The following ERC1 variants were observed in gnomAD, a reference collection of about 807,000 sequenced individuals.
The protein encoded by ERC1 is RAB6 interacting protein 2.
In ERC1, 56 loss-of-function variants were observed where a neutral mutation model predicts 132.0. The observed-to-expected ratio is 0.42, with a 90% CI of 0.34 to 0.53. The LOEUF (loss-of-function observed/expected upper bound fraction) is 0.53. Ranked by LOEUF, ERC1 falls within the 20% of genes least tolerant of loss-of-function variation. The probability of loss-of-function intolerance (pLI) is 0.03; values close to 1 mark genes in which losing one functional copy is unlikely to be tolerated. For missense variants in ERC1, 1,202 were observed against 1,349.9 expected (o/e 0.89, Z 1.72); for synonymous variants, 478 against 476.1 (o/e 1.00, Z -0.05).
intron 3 of ERC1, among the ~76,000 whole-genome samples, chr12:1,101,393 A>T (rs1944642156): frequency 6.6e-6 from 1 of 152,164 alleles, no homozygotes; most frequent in Non-Finnish European, 1.5e-5. Context: ...TGTTACGCCG[A>T]CATCACTGAC....
intron 8 of ERC1, among the ~76,000 whole-genome samples, chr12:1,153,864 G>A (rs1478544371): frequency 1.3e-5 from 2 of 152,116 alleles, no homozygotes; most frequent in Admixed American, 1.3e-4. Context: ...CTGCACTTTT[G>A]GGATACTCCA....
chr12:1,277,982 C>T (rs775342319), intron 14 of ERC1, among the ~76,000 whole-genome samples: 2 of 152,168 alleles, frequency 1.3e-5, no homozygotes, highest in Non-Finnish European at 1.5e-5. Flanking sequence ...TGTAGACTCT[C>T]GCTCTGCTGT....
chr12:1,297,150 A>T (rs1359071950), intron 15 of ERC1, among the ~76,000 whole-genome samples: 4 of 151,808 alleles, frequency 2.6e-5, no homozygotes, highest in Non-Finnish European at 5.9e-5. Context: ...CTGAGTCCTT[A>T]TCAGAAACAG....
At chr12:1,213,896 C>T (rs1958121423) in intron 12 of ERC1, among the ~76,000 whole-genome samples, 1 of 151,432 alleles carries the variant, frequency 6.6e-6, no homozygotes, top group South Asian at 2.1e-4. Context: ...GAATGAGACT[C>T]TGTCTCCAAA....
chr12:1,151,413 A>G (rs1298266635), intron 8 of ERC1, among the ~76,000 whole-genome samples: 1 of 152,196 alleles, frequency 6.6e-6, no homozygotes, highest in Non-Finnish European at 1.5e-5. Context: ...GTGCACCCCA[A>G]TATTGAATAT....
chr12:1,458,649 C>G (rs2093589434), intron 18 of ERC1, among the ~76,000 whole-genome samples: 1 of 151,966 alleles, frequency 6.6e-6, no homozygotes, highest in African/African-American at 2.4e-5. Flanking sequence ...ATTCTCCTGC[C>G]TCAGCCTCCC....
At chr12:1,230,554 G>C (rs1257514448) in intron 12 of ERC1, among the ~76,000 whole-genome samples, 1 of 152,172 alleles carries the variant, frequency 6.6e-6, no homozygotes, top group Non-Finnish European at 1.5e-5. Context: ...GTTTTCTGCT[G>C]CTGTTGGATG....
chr12:1,001,353 C>T (rs570003452), intron 1 of ERC1, among the ~76,000 whole-genome samples: 5 of 152,290 alleles, frequency 3.3e-5, no homozygotes, highest in Middle Eastern at 3.4e-3. Flanking sequence ...CCACTGTGTC[C>T]GGCCTTGAAG....
chr12:1,232,797 C>T lies in ERC1; in HGVS notation c.2352-3972C>T, dbSNP rs191556604. Among the ~76,000 whole-genome samples, 90 of 151,872 alleles carry T rather than the reference C, an allele frequency of 5.9e-4. 1 individual carries two copies. Among genetic ancestry groups the T allele is most frequent in the African/African-American group, 2.1e-3 (86 of 41,464 alleles). On this transcript the variant is annotated intron_variant, in intron 12 of 18. Transcript: ENST00000360905. ...GATGATTATCTTTAATGCCATCAGTCATTTCATGTATCTCCATTCCTTTGT... is the reference window on the plus strand; with the variant it reads ...GATGATTATCTTTAATGCCATCAGTTATTTCATGTATCTCCATTCCTTTGT...
intron 8 of ERC1, among the ~76,000 whole-genome samples, chr12:1,147,229 T>A (rs554349640): frequency 6.6e-6 from 1 of 152,282 alleles, no homozygotes; most frequent in South Asian, 2.1e-4. Flanking sequence ...CTTTCAACTT[T>A]CCCCCGTTCA....
intron 15 of ERC1, among the ~76,000 whole-genome samples, chr12:1,359,442 T>C (rs1028182366): frequency 1.3e-5 from 2 of 152,184 alleles, no homozygotes; most frequent in African/African-American, 4.8e-5. Context: ...TTTTGGCTTA[T>C]GGTTCTGGAA....
chr12:1,183,330 G>T lies in ERC1; in HGVS notation c.2066G>T (p.Gly689Val). 6.3e-7 allele frequency: 1 copy of T among 1,595,864 alleles called. No homozygotes were observed. The highest frequency in any genetic ancestry group is 8.6e-7 in the Non-Finnish European group (1 of 1,167,830). Reference sequence around the variant, plus strand: ...CATGCTTCTTCTCTGGCATCCTCAGGACTGAAAAAGGACTCACGGCTTAAG... The same window carrying T: ...CATGCTTCTTCTCTGGCATCCTCAGTACTGAAAAAGGACTCACGGCTTAAG... ...KEHASSLASSGLKKDSRLKTL... is the reference protein window; with the variant it reads ...KEHASSLASSVLKKDSRLKTL... The change falls in exon 11 of 19, where the codon GGA becomes GTA. Residue 689 changes from glycine to valine, a missense_variant. Gly to Val is a moderately radical substitution (Grantham distance 109). Transcript: ENST00000360905.
intron 1 of ERC1, among the ~76,000 whole-genome samples, chr12:1,010,350 G>A (rs980824551): frequency 2.4e-4 from 36 of 151,474 alleles, no homozygotes; most frequent in African/African-American, 7.3e-4. Context: ...GCGTGGTGGC[G>A]GGTGCCTGTA....
chr12:1,274,610 A>G (rs2078127161), intron 14 of ERC1, among the ~76,000 whole-genome samples: 1 of 151,974 alleles, frequency 6.6e-6, no homozygotes, highest in Non-Finnish European at 1.5e-5. Flanking sequence ...CTTCTGCTTC[A>G]GCCTCCCAGG....
chr12:1,489,657 G>A (rs1304286155), intron 18 of ERC1, among the ~76,000 whole-genome samples: 1 of 152,206 alleles, frequency 6.6e-6, no homozygotes, highest in Non-Finnish European at 1.5e-5. Flanking sequence ...CAGGTGGGTA[G>A]GCTAATGTAC....
At chr12:1,456,825 A>G (rs1427164759) in intron 18 of ERC1, among the ~76,000 whole-genome samples, 1 of 152,064 alleles carries the variant, frequency 6.6e-6, no homozygotes, top group African/African-American at 2.4e-5. Flanking sequence ...TGGGGCCCTC[A>G]GAATCACCAG....
intron 15 of ERC1, among the ~76,000 whole-genome samples, chr12:1,371,459 GGTT>G (rs1247342052): frequency 6.6e-6 from 1 of 152,162 alleles, no homozygotes; most frequent in Non-Finnish European, 1.5e-5. Flanking sequence ...TGAAAGTCTT[GGTT>G]TTATTACCCT....
At chr12:1,385,614 G>A (rs1051790903) in intron 16 of ERC1, among the ~76,000 whole-genome samples, 2 of 152,148 alleles carry the variant, frequency 1.3e-5, no homozygotes, top group Non-Finnish European at 2.9e-5. Flanking sequence ...AGAAACAATA[G>A]CCAGGAAGAA....
rs1368152782 is a variant in ERC1 at position 1,418,611 on chromosome 12, CTT to C, written c.3024+10366_3024+10367del. The stretch of plus-strand genomic sequence containing the variant: ...TTTCTCTTTCTTTCTTTCTTTCTTT[CTT>C]TCTTTCTTTCTTTCTTTCTTTCTTT... On this transcript the variant is annotated intron_variant, in intron 17 of 18. Coordinates refer to ENST00000360905, the MANE Select transcript of ERC1 (RefSeq NM_178040.4). 9.0e-4 allele frequency among the ~76,000 whole-genome samples: 95 copies of C among 105,444 alleles called. 1 individual carries two copies. The highest frequency in any genetic ancestry group is 5.2e-3 in the African/African-American group (84 of 16,160). The allele number at this position is 105,444 out of a possible 152,430, so 69.2% of individuals were successfully genotyped here.
Sources: allele counts gnomAD v4.1 joint callset (sites outside exome capture counted in the v4.1 genomes callset), GRCh38; gene constraint gnomAD v4.1.1; transcripts MANE v1.5; gene names NCBI Gene and HGNC (gene_info 2026-07-23, HGNC 2026-07-21).